Variants in NRG3 observed in about 807,000 individuals in gnomAD.
NRG3 encodes pro-neuregulin-3, membrane-bound isoform.
A neutral mutation model predicts 66.9 loss-of-function variants in NRG3; 31 were observed. The ratio of observed to expected loss-of-function variants is 0.46; its 90% CI spans 0.35 to 0.63. The LOEUF (loss-of-function observed/expected upper bound fraction) is 0.63, where lower values mean the gene tolerates loss of function less well. NRG3 is among the 20% of genes least tolerant of loss of function. The pLI, the probability that NRG3 is intolerant of heterozygous loss-of-function variation, is 0.00. For synonymous variants in NRG3, 393 were observed against 359.4 expected, an observed-to-expected ratio of 1.09 and a Z score of -1.06; for missense variants, 910 against 878.9, an observed-to-expected ratio of 1.04 and a Z score of -0.45.
At chr10:82,219,707 G>A (rs540323149) in intron 1 of NRG3, among the ~76,000 whole-genome samples, 15 of 151,716 alleles carry the variant, frequency 9.9e-5, no homozygotes, top group African/African-American at 3.6e-4. Context: ...GCCTTATCTC[G>A]CCAAATAGTG....
chr10:82,759,176 GTCTC>G (rs113145049), intron 3 of NRG3, among the ~76,000 whole-genome samples: 1 of 149,920 alleles, frequency 6.7e-6, no homozygotes, highest in African/African-American at 2.4e-5. Context: ...GGCTTTCTTG[GTCTC>G]TCTCTCTCTC....
intron 1 of NRG3, among the ~76,000 whole-genome samples, chr10:81,983,974 A>G (rs2060429352): frequency 6.6e-6 from 1 of 151,990 alleles, no homozygotes; most frequent in Non-Finnish European, 1.5e-5. Flanking sequence ...ATGAAAATAA[A>G]TAAAGAAGGT....
At chr10:82,585,870 GT>G (rs1473078270) in intron 2 of NRG3, among the ~76,000 whole-genome samples, 4 of 151,980 alleles carry the variant, frequency 2.6e-5, no homozygotes, top group Admixed American at 2.0e-4. Context: ...TTTATAATAG[GT>G]ATACTACTAT....
chr10:82,948,242 A>G (rs570839529), intron 4 of NRG3, among the ~76,000 whole-genome samples: 2 of 152,202 alleles, frequency 1.3e-5, no homozygotes, highest in East Asian at 1.9e-4. Flanking sequence ...CGAATATTAT[A>G]TTTCAGAACG....
intron 2 of NRG3, among the ~76,000 whole-genome samples, chr10:82,602,957 A>G (rs1472237346): frequency 1.3e-5 from 2 of 152,226 alleles, no homozygotes; most frequent in Non-Finnish European, 1.5e-5. Flanking sequence ...ATGTGGCAAA[A>G]TAAGTTAAAA....
intron 1 of NRG3, among the ~76,000 whole-genome samples, chr10:82,298,839 G>A (rs1483654655): frequency 1.3e-5 from 2 of 152,188 alleles, no homozygotes; most frequent in Non-Finnish European, 1.5e-5. Flanking sequence ...TCCAGTTTTA[G>A]GATGTTTTGA....
chr10:82,321,402 TTAAA>T (rs2081573572), intron 1 of NRG3, among the ~76,000 whole-genome samples: 1 of 152,208 alleles, frequency 6.6e-6, no homozygotes, highest in Non-Finnish European at 1.5e-5. Flanking sequence ...GTTGAGCACC[TTAAA>T]TACATTACCT....
In NRG3 at chr10:82,584,976, CTGT is replaced by C. The variant is rs1156915231; in HGVS notation, c.954-153584_954-153582del. On this transcript the variant is annotated intron_variant, in intron 2 of 8. Transcript: ENST00000372141. ...TCTCTTCCCCAAGCAATTGTTGTTG[CTGT>C]TGTTGTTGTTGTTGTTTGTCATTGT... 2.3e-4 allele frequency among the ~76,000 whole-genome samples: 25 copies of C among 110,156 alleles called. No individual in the cohort carries two copies. The South Asian group carries it at 4.1e-3, about 18-fold the overall frequency. 72.3% of individuals were successfully genotyped at this position (110,156 alleles called of 152,430 possible).
intron 2 of NRG3, among the ~76,000 whole-genome samples, chr10:82,543,092 A>C (rs548336555): frequency 6.6e-6 from 1 of 152,008 alleles, no homozygotes; most frequent in Non-Finnish European, 1.5e-5. Flanking sequence ...GGGTTTCACC[A>C]TGTTGGCCAG....
intron 3 of NRG3, among the ~76,000 whole-genome samples, chr10:82,744,216 G>T (rs528685624): frequency 6.6e-6 from 1 of 152,206 alleles, no homozygotes; most frequent in African/African-American, 2.4e-5. Flanking sequence ...ACCATGCTTT[G>T]GATCCAAATA....
chr10:81,978,287 A>G (rs187601133), intron 1 of NRG3, among the ~76,000 whole-genome samples: 2 of 152,222 alleles, frequency 1.3e-5, no homozygotes, highest in African/African-American at 4.8e-5. Flanking sequence ...CTTAAAGGGA[A>G]GGAACTAGTT....
intron 3 of NRG3, among the ~76,000 whole-genome samples, chr10:82,823,925 A>C (rs1243009332): frequency 6.6e-6 from 1 of 152,174 alleles, no homozygotes. Flanking sequence ...TTCTTCAAAC[A>C]TCACCCCTAT....
Position 82,926,708 on chromosome 10 carries a change from TA to T in NRG3, c.1055-24759del, listed in dbSNP as rs752239240. Among the ~76,000 whole-genome samples, 15 of 152,348 alleles carry T rather than the reference TA, an allele frequency of 9.8e-5. 1 individual carries two copies. In the Middle Eastern group the frequency reaches 0.02, roughly 207 times the overall value. On this transcript the variant is annotated intron_variant, in intron 4 of 8. Transcript: ENST00000372141. ...AATTCAGGGACATTGATTAATGCAA[TA>T]AGAGCAAAATAAGTAATTAAAATTA...
chr10:82,758,935 C>G (rs1042060223), intron 3 of NRG3, among the ~76,000 whole-genome samples: 1 of 151,762 alleles, frequency 6.6e-6, no homozygotes, highest in Admixed American at 6.6e-5. Context: ...TAGACCATCA[C>G]CACCCAAATC....
At chr10:82,402,297 A>G (rs1165150916) in intron 2 of NRG3, among the ~76,000 whole-genome samples, 2 of 152,132 alleles carry the variant, frequency 1.3e-5, no homozygotes, top group African/African-American at 4.8e-5. Context: ...GTTAACCACA[A>G]TATTCAGCCA....
chr10:82,212,318 G>T (rs888987503), intron 1 of NRG3, among the ~76,000 whole-genome samples: 2 of 152,124 alleles, frequency 1.3e-5, no homozygotes, highest in African/African-American at 4.8e-5. Flanking sequence ...TGAACATTTT[G>T]TGGAGTTTCA....
chr10:82,061,529 C>T (rs900344495), intron 1 of NRG3, among the ~76,000 whole-genome samples: 4 of 152,172 alleles, frequency 2.6e-5, no homozygotes, highest in Non-Finnish European at 5.9e-5. Flanking sequence ...TCCTGGTCCC[C>T]TCTACCTCCA....
intron 4 of NRG3, among the ~76,000 whole-genome samples, chr10:82,930,416 C>T (rs1036922462): frequency 1.3e-5 from 2 of 152,174 alleles, no homozygotes; most frequent in African/African-American, 4.8e-5. Context: ...TAACGATAAA[C>T]TTCAGAGATA....
At position 82,985,199 on chromosome 10, in the gene NRG3, A is replaced by C. The variant is rs1480953443; in HGVS notation, c.1685A>C (p.Asp562Ala). The change falls in exon 9 of 9, where the codon GAC becomes GCC. Residue 562 changes from aspartate to alanine, a missense_variant. By Grantham distance (126) the Asp-to-Ala change is moderately radical. Transcript: ENST00000372141. ...TATTTTAATAGCTTGGAGCAAAAGGACCTGGTGGGCTATTCATCCACAAGG... is the reference window on the plus strand; with the variant it reads ...TATTTTAATAGCTTGGAGCAAAAGGCCCTGGTGGGCTATTCATCCACAAGG... ...NPYFNSLEQK[D>A]LVGYSSTRAS... 1 of 1,614,112 alleles carries C rather than the reference A, an allele frequency of 6.2e-7. No homozygotes were observed. Among genetic ancestry groups the C allele is most frequent in the Admixed American group, 1.7e-5 (1 of 60,014 alleles).
Sources: gnomAD v4.1 joint callset for allele counts (sites outside exome capture counted in the v4.1 genomes callset) on GRCh38, gnomAD v4.1.1 for gene constraint, MANE v1.5 for transcripts, NCBI Gene and HGNC (gene_info 2026-07-23, HGNC 2026-07-21) for gene names.